Variants in APMAP observed in about 807,000 individuals in gnomAD.
APMAP encodes the protein adipocyte plasma membrane associated protein.
In APMAP, 33 loss-of-function variants were observed where a neutral mutation model predicts 43.6. That is an observed-to-expected ratio of 0.76 (90% CI 0.57 to 1.01). The LOEUF is 1.01. Among genes scored for constraint, APMAP ranks in the 50% least tolerant of loss-of-function variants. The pLI, the probability that APMAP is intolerant of heterozygous loss-of-function variation, is 0.00. For missense variants in APMAP, 498 were observed against 540.7 expected (o/e 0.92, Z 0.78); for synonymous variants, 224 against 216.7 (o/e 1.03, Z -0.30).
At chr20:24,992,298 G>A (rs562213842) in intron 1 of APMAP, among the ~76,000 whole-genome samples, 55 of 152,310 alleles carry the variant, frequency 3.6e-4, no homozygotes, top group African/African-American at 1.3e-3. Context: ...GCAGGAGTGA[G>A]GGAGGGAAGG....
rs114540147 is a variant in APMAP at position 24,979,973 on chromosome 20, G to A, written c.213-1091C>T. On this transcript the variant is annotated intron_variant, in intron 2 of 8. Transcript: ENST00000217456. ...ACTCTGACCACCCAACTAAATATCC[G>A]ATACCTCCCCCGAACCCAGGCCCCT... 7.9e-3 allele frequency among the ~76,000 whole-genome samples: 1,204 copies of A among 152,112 alleles called. 26 individuals carry two copies. Among genetic ancestry groups the A allele is most frequent in the African/African-American group, 0.027 (1,140 of 41,508 alleles).
At chr20:24,981,127 A>G (rs915709661) in intron 2 of APMAP, among the ~76,000 whole-genome samples, 2 of 152,208 alleles carry the variant, frequency 1.3e-5, no homozygotes, top group Non-Finnish European at 2.9e-5. Flanking sequence ...TCAGTACTTG[A>G]GAACAAAATC....
intron 2 of APMAP, among the ~76,000 whole-genome samples, chr20:24,980,206 C>A (rs1327551544): frequency 6.6e-6 from 1 of 152,196 alleles, no homozygotes; most frequent in Admixed American, 6.5e-5. Context: ...CTGGAGGAAA[C>A]CAAAGTAGAG....
intron 6 of APMAP, 29 bp downstream of exon 6, chr20:24,970,168 C>A: frequency 1.9e-6 from 3 of 1,613,100 alleles, no homozygotes; most frequent in African/African-American, 1.3e-5. Context: ...GTGAACTCAA[C>A]AAATGGGAGA....
chr20:24,986,790 G>A (rs1404217956), intron 1 of APMAP, among the ~76,000 whole-genome samples: 1 of 152,184 alleles, frequency 6.6e-6, no homozygotes, highest in Non-Finnish European at 1.5e-5. Context: ...TGCAAGAGCT[G>A]GAAAAGCGCA....
At chr20:24,985,571 T>C (rs1014264464) in intron 1 of APMAP, among the ~76,000 whole-genome samples, 3 of 152,206 alleles carry the variant, frequency 2.0e-5, no homozygotes, top group Admixed American at 6.5e-5. Context: ...ACTCATTGTG[T>C]GGTAATTTGT....
At chr20:24,970,172 T>TGGGA in intron 6 of APMAP, 25 bp downstream of exon 6, 9 of 1,613,442 alleles carry the variant, frequency 5.6e-6, no homozygotes, top group Non-Finnish European at 7.6e-6. Flanking sequence ...ACTCAACAAA[T>TGGGA]GGGAGACCTG....
chr20:24,975,482 C>A (rs2088043460), intron 3 of APMAP, among the ~76,000 whole-genome samples: 1 of 152,082 alleles, frequency 6.6e-6, no homozygotes, highest in African/African-American at 2.4e-5. Context: ...TACACGAGGT[C>A]TATATGAGGA....
chr20:24,963,812 G>A lies in APMAP; in HGVS notation c.*1C>T, dbSNP rs368949633. The A allele has an allele frequency of 6.2e-7, 1 of 1,614,042 alleles. No individual in the cohort carries two copies. Among genetic ancestry groups the A allele is most frequent in the Non-Finnish European group, 8.5e-7 (1 of 1,179,922 alleles). On this transcript the variant is annotated 3_prime_UTR_variant, in exon 9 of 9. Coordinates refer to ENST00000217456, the MANE Select transcript of APMAP (RefSeq NM_020531.3). ...GTGGCAGGGGCAGCTATCTGGGAGG[G>A]CTAAACAGCCTGGAGGCTGAGTCTG...
At chr20:24,974,496 T>A (rs1252686160) in intron 3 of APMAP, among the ~76,000 whole-genome samples, 3 of 152,124 alleles carry the variant, frequency 2.0e-5, no homozygotes, top group Non-Finnish European at 2.9e-5. Context: ...ATCCAATATA[T>A]CAATAATCAC....
chr20:24,992,271 C>G (rs1324026015), intron 1 of APMAP, among the ~76,000 whole-genome samples: 1 of 152,118 alleles, frequency 6.6e-6, no homozygotes, highest in Non-Finnish European at 1.5e-5. Flanking sequence ...GAGGAAGCAA[C>G]CGCTATGCAG....
intron 3 of APMAP, among the ~76,000 whole-genome samples, chr20:24,975,022 A>T (rs777026033): frequency 6.6e-6 from 1 of 152,166 alleles, no homozygotes; most frequent in Non-Finnish European, 1.5e-5. Flanking sequence ...TAGAGGGGAA[A>T]CTTTCTTAAC....
Position 24,966,386 on chromosome 20 carries a change from A to G in APMAP, c.1042-2364T>C, listed in dbSNP as rs141008344. Among the ~76,000 whole-genome samples, 275 of 152,336 alleles carry G rather than the reference A, an allele frequency of 1.8e-3. 1 individual carries two copies. Among genetic ancestry groups the G allele is most frequent in the African/African-American group, 6.4e-3 (266 of 41,580 alleles). On this transcript the variant is annotated intron_variant, in intron 8 of 8. Coordinates refer to ENST00000217456, the MANE Select transcript of APMAP (RefSeq NM_020531.3). ...AAAACCACCTCTCTGCGAGCAACTC[A>G]GTAATTAGACATGAAAGAACCACGT...
At chr20:24,986,246 G>A (rs765331115) in intron 1 of APMAP, among the ~76,000 whole-genome samples, 26 of 152,158 alleles carry the variant, frequency 1.7e-4, no homozygotes, top group Non-Finnish European at 3.5e-4. Flanking sequence ...TCACTCATAA[G>A]GGGTTCAGAG....
Position 24,986,270 on chromosome 20 carries a change from C to T in APMAP, c.96-2251G>A, listed in dbSNP as rs981651451. Among the ~76,000 whole-genome samples the T allele has an allele frequency of 3.3e-5, 5 of 152,346 alleles. No individual in the cohort carries two copies. The East Asian group carries it at 9.7e-4, about 29-fold the overall frequency. The stretch of plus-strand genomic sequence containing the variant: ...AGGGGTTCAGAGCTCACCCCGTACA[C>T]CTGAGGCCAGGTAAAATGCCACATT... On this transcript the variant is annotated intron_variant, in intron 1 of 8. Transcript: ENST00000217456.
chr20:24,964,576 A>C (rs1204147861), intron 8 of APMAP, among the ~76,000 whole-genome samples: 1 of 152,204 alleles, frequency 6.6e-6, no homozygotes, highest in Non-Finnish European at 1.5e-5. Context: ...GGGCGTGCAG[A>C]TCCTGAGGGA....
Position 24,983,958 on chromosome 20 carries a change from G to C in APMAP, c.157C>G (p.Pro53Ala). Residue 53 changes from proline to alanine, a missense_variant, in exon 2 of 9, where the codon CCC (proline) becomes GCC (alanine). Pro to Ala is a conservative substitution (Grantham distance 27). Transcript: ENST00000217456. ...FLMLAVSLTVPLLGAMMLLES... is the reference protein window; with the variant it reads ...FLMLAVSLTVALLGAMMLLES... ...AGCAGCATCATGGCTCCAAGCAGGG[G>C]AACGGTGAGAGAAACAGCCAGCATC... is the stretch of plus-strand genomic sequence containing the variant. 6.2e-7 allele frequency: 1 copy of C among 1,614,006 alleles called. No homozygotes were observed. The highest frequency in any genetic ancestry group is 8.5e-7 in the Non-Finnish European group (1 of 1,179,966).
chr20:24,971,038 T>C (rs1317660783), intron 5 of APMAP, among the ~76,000 whole-genome samples: 3 of 151,552 alleles, frequency 2.0e-5, no homozygotes, highest in African/African-American at 7.3e-5. Context: ...AGGGGACTCA[T>C]GAGCAATCAG....
intron 7 of APMAP, 137 bp downstream of exon 7, chr20:24,969,389 T>A (rs982339863): frequency 1.7e-4 from 236 of 1,371,782 alleles, no homozygotes; most frequent in Non-Finnish European, 2.1e-4. Context: ...AAGCGCACCC[T>A]TGAATTTTCT....
Sources: gnomAD v4.1 joint callset for allele counts (sites outside exome capture counted in the v4.1 genomes callset) on GRCh38, gnomAD v4.1.1 for gene constraint, MANE v1.5 for transcripts, NCBI Gene and HGNC (gene_info 2026-07-23, HGNC 2026-07-21) for gene names.